The following USP24 variants were observed in gnomAD, a reference collection of about 807,000 sequenced individuals.
The protein encoded by USP24 is ubiquitin carboxyl-terminal hydrolase 24.
A neutral mutation model predicts 361.6 loss-of-function variants in USP24; 97 were observed. The ratio of observed to expected loss-of-function variants is 0.27; its 90% CI spans 0.23 to 0.32. The LOEUF (loss-of-function observed/expected upper bound fraction) is 0.32, where lower values mean the gene tolerates loss of function less well. USP24 is among the 10% of genes least tolerant of loss of function. The pLI is 1.00. For missense variants in USP24, 2,353 were observed against 3,165.6 expected (o/e 0.74, Z 6.16); for synonymous variants, 1,098 against 1,124.6 (o/e 0.98, Z 0.47).
chr1:55,111,876 G>A (rs1032812752), intron 38 of USP24, among the ~76,000 whole-genome samples: 8 of 152,014 alleles, frequency 5.3e-5, no homozygotes, highest in East Asian at 3.8e-4. Flanking sequence ...TGTAGAAGCC[G>A]GGATACAGGG....
At chr1:55,136,007 G>A (rs1033247461) in intron 28 of USP24, among the ~76,000 whole-genome samples, 3 of 152,080 alleles carry the variant, frequency 2.0e-5, no homozygotes, top group Admixed American at 6.5e-5. Context: ...CAAAACAGAA[G>A]AAAATCTGCT....
In USP24 at chr1:55,068,484, T is replaced by G. The variant is rs906004306; in HGVS notation, c.*561A>C. Reference sequence around the variant, plus strand: ...TCTCATCTAGACCCATCTGAAATTCTATACAAATAGGGAGACATATTAAAT... The same window carrying G: ...TCTCATCTAGACCCATCTGAAATTCGATACAAATAGGGAGACATATTAAAT... On this transcript the variant is annotated 3_prime_UTR_variant, in exon 68 of 68. Coordinates refer to ENST00000294383, the MANE Select transcript of USP24 (RefSeq NM_015306.3). 6.6e-6 allele frequency: 1 copy of G among 152,546 alleles called. No individual in the cohort carries two copies. The highest frequency in any genetic ancestry group is 6.5e-5 in the Admixed American group (1 of 15,302). The allele number at this position is 152,546 out of a possible 1,614,324, so 9.4% of individuals were successfully genotyped here.
intron 1 of USP24, among the ~76,000 whole-genome samples, chr1:55,205,403 T>C (rs933277718): frequency 7.2e-5 from 11 of 152,152 alleles, no homozygotes; most frequent in Non-Finnish European, 1.6e-4. Flanking sequence ...AGAAACTCCA[T>C]TAAAGCTTCA....
At position 55,171,471 on chromosome 1, in the gene USP24, C is replaced by T. The variant is rs1649435633; in HGVS notation, c.825+85G>A. On this transcript the variant is annotated intron_variant, in intron 5 of 67. Coordinates refer to ENST00000294383, the MANE Select transcript of USP24 (RefSeq NM_015306.3). ...ATTTTTCAGATTGTTTTAATCCTCCCATGTAACTTGTCTTTTTTATAGCAC... is the reference window on the plus strand; with the variant it reads ...ATTTTTCAGATTGTTTTAATCCTCCTATGTAACTTGTCTTTTTTATAGCAC... 1.7e-5 allele frequency: 25 copies of T among 1,450,544 alleles called. No homozygotes were observed. In the South Asian group the frequency reaches 3.3e-4, roughly 19 times the overall value. 89.9% of individuals were successfully genotyped at this position (1,450,544 alleles called of 1,614,324 possible).
chr1:55,196,836 C>T (rs775912685), intron 1 of USP24, among the ~76,000 whole-genome samples: 3 of 152,190 alleles, frequency 2.0e-5, no homozygotes, highest in East Asian at 1.9e-4. Context: ...GACCTCTGCC[C>T]GTTGAGTTCC....
Position 55,214,778 on chromosome 1 carries a change from GC to G in USP24, c.324+11del. On this transcript the variant is annotated intron_variant, in intron 1 of 67. Coordinates refer to ENST00000294383, the MANE Select transcript of USP24 (RefSeq NM_015306.3). ...TGGCTTCCCACAGAGGTCTGGGGTTGCCCCTCCTCACCTCCGCGTCCACCAC... is the reference window on the plus strand; with the variant it reads ...TGGCTTCCCACAGAGGTCTGGGGTTGCCCTCCTCACCTCCGCGTCCACCAC... The G allele has an allele frequency of 8.2e-7, 1 of 1,222,296 alleles. No individual in the cohort carries two copies. The allele number at this position is 1,222,296 out of a possible 1,614,324, so 75.7% of individuals were successfully genotyped here. A position where few individuals can be genotyped will look rare whatever the true frequency, so the allele number is the denominator to read the frequency against.
At chr1:55,194,530 G>C (rs975380837) in intron 1 of USP24, among the ~76,000 whole-genome samples, 2 of 152,100 alleles carry the variant, frequency 1.3e-5, no homozygotes, top group South Asian at 4.1e-4. Context: ...TGAGCTCAGA[G>C]GGCTGAGGCT....
chr1:55,068,480 A>AT lies in USP24; in HGVS notation c.*564dup, dbSNP rs1345235073. 6.6e-6 allele frequency: 1 copy of AT among 152,546 alleles called. No individual in the cohort carries two copies. Among genetic ancestry groups the AT allele is most frequent in the African/African-American group, 2.4e-5 (1 of 41,470 alleles). The allele number at this position is 152,546 out of a possible 1,614,324, so 9.4% of individuals were successfully genotyped here. On this transcript the variant is annotated 3_prime_UTR_variant, in exon 68 of 68. Transcript: ENST00000294383. ...GGGTTCTCATCTAGACCCATCTGAAATTCTATACAAATAGGGAGACATATT... is the reference window on the plus strand; with the variant it reads ...GGGTTCTCATCTAGACCCATCTGAAATTTCTATACAAATAGGGAGACATATT...
intron 38 of USP24, among the ~76,000 whole-genome samples, chr1:55,119,806 A>C (rs1268199586): frequency 6.6e-6 from 1 of 152,120 alleles, no homozygotes; most frequent in Non-Finnish European, 1.5e-5. Flanking sequence ...TTTTTCCTAT[A>C]TAGAAAATTT....
chr1:55,092,161 A>G (rs1395172059), intron 53 of USP24, 35 bp from the exon 54 acceptor site: 1 of 1,475,572 alleles, frequency 6.8e-7, no homozygotes, highest in Admixed American at 2.1e-5. Context: ...GATATTTTTC[A>G]CAGAAGTTTT....
chr1:55,103,806 C>T (rs945966286), intron 42 of USP24, 70 bp downstream of exon 42: 2 of 1,495,210 alleles, frequency 1.3e-6, no homozygotes, highest in Non-Finnish European at 1.8e-6. Context: ...AATGCAAATA[C>T]AGTCTTAAAA....
intron 11 of USP24, 71 bp from the exon 12 acceptor site, chr1:55,157,122 T>G: frequency 6.9e-7 from 1 of 1,439,186 alleles, no homozygotes; most frequent in Non-Finnish European, 9.6e-7. Context: ...ATTCTATTGA[T>G]TCAAAACAAT....
chr1:55,183,437 G>A (rs1467420890), intron 1 of USP24, among the ~76,000 whole-genome samples: 1 of 152,154 alleles, frequency 6.6e-6, no homozygotes, highest in African/African-American at 2.4e-5. Context: ...TAAAGAACCT[G>A]AGTAAAGGTT....
intron 2 of USP24, among the ~76,000 whole-genome samples, chr1:55,176,672 T>C (rs796479822): frequency 3.9e-5 from 6 of 152,278 alleles, no homozygotes; most frequent in African/African-American, 1.4e-4. Context: ...GAAATAACCA[T>C]AGCATTAGAT....
chr1:55,159,710 A>C (rs1343307027), intron 8 of USP24, 25 bp from the exon 9 acceptor site: 14 of 1,543,242 alleles, frequency 9.1e-6, no homozygotes, highest in Non-Finnish European at 1.2e-5. Flanking sequence ...TGCTACAGTT[A>C]AGAACTCCCG....
At chr1:55,111,201 TTAGGCATTAAAAAAAGCTGTGAGACG>T (rs1645940117) in intron 38 of USP24, among the ~76,000 whole-genome samples, 1 of 151,984 alleles carries the variant, frequency 6.6e-6, no homozygotes, top group African/African-American at 2.4e-5. Context: ...TGTACCAAAC[TTAGGCATTAAAAAAAGCTGTGAGACG>T]TAATTTTTTA....
At chr1:55,185,254 CAA>C (rs1644096576) in intron 1 of USP24, among the ~76,000 whole-genome samples, 2 of 151,500 alleles carry the variant, frequency 1.3e-5, no homozygotes, top group African/African-American at 4.9e-5. Flanking sequence ...TATCTGGTCA[CAA>C]GAGGGAAATT....
chr1:55,169,553 A>G (rs1162121770), intron 5 of USP24, among the ~76,000 whole-genome samples: 6 of 152,216 alleles, frequency 3.9e-5, no homozygotes, highest in Admixed American at 3.9e-4. Flanking sequence ...AAAGAGAAAG[A>G]AAAGATTTCA....
At position 55,079,558 on chromosome 1, in the gene USP24, CT is replaced by C; in HGVS notation, c.7179del (p.Lys2395AsnfsTer5). ...CATACCTCTAACAGGTAAGGTTTCCCTTCAGACATGAACAACAAGGCTTCTA... is the reference window on the plus strand; with the variant it reads ...CATACCTCTAACAGGTAAGGTTTCCCTCAGACATGAACAACAAGGCTTCTA... Reference protein sequence around the residue: ...EEVEALLFMSEGKPYLLEVMF... With the variant: ...EEVEALLFMSXGKPYLLEVMF... On this transcript the variant is annotated frameshift_variant, in exon 60 of 68. Coordinates refer to ENST00000294383, the MANE Select transcript of USP24 (RefSeq NM_015306.3). LOFTEE classifies it high-confidence loss of function. 1 of 1,577,458 alleles carries C rather than the reference CT, an allele frequency of 6.3e-7. No homozygotes were observed. The highest frequency in any genetic ancestry group is 8.6e-7 in the Non-Finnish European group (1 of 1,167,836).
Sources: gnomAD v4.1 joint callset for allele counts (sites outside exome capture counted in the v4.1 genomes callset) on GRCh38, gnomAD v4.1.1 for gene constraint, MANE v1.5 for transcripts, NCBI Gene and HGNC (gene_info 2026-07-23, HGNC 2026-07-21) for gene names.